The following RASGRF2 variants were observed in gnomAD, a reference collection of about 807,000 sequenced individuals.
RASGRF2 encodes the protein ras-specific guanine nucleotide-releasing factor 2.
RASGRF2 carries 76 observed loss-of-function variants against 151.0 expected under a neutral mutation model. The observed-to-expected ratio is 0.50, with a 90% CI of 0.42 to 0.61. The LOEUF is 0.61. Among genes scored for constraint, RASGRF2 ranks in the 20% least tolerant of loss-of-function variants. The pLI is 0.00. For missense variants in RASGRF2, 1,148 were observed against 1,564.6 expected, an observed-to-expected ratio of 0.73 and a Z score of 4.49; for synonymous variants, 504 against 566.5, an observed-to-expected ratio of 0.89 and a Z score of 1.57.
intron 3 of RASGRF2, among the ~76,000 whole-genome samples, chr5:81,069,143 T>A (rs994173994): frequency 9.2e-5 from 14 of 152,244 alleles, no homozygotes; most frequent in Middle Eastern, 3.2e-3. Context: ...TGCACCTTCC[T>A]CTGAGACATA....
rs1442808746 is a variant in RASGRF2 at position 81,081,383 on chromosome 5, AG to A, written c.1161+598del. Reference sequence around the variant, plus strand: ...TCTTGGCAACTAGTCAGGTGGCCGCAGGGGCTCCCTTTCTGGGACTAGAGCA... The same window carrying A: ...TCTTGGCAACTAGTCAGGTGGCCGCAGGGCTCCCTTTCTGGGACTAGAGCA... On this transcript the variant is annotated intron_variant, in intron 7 of 26. Coordinates refer to ENST00000265080, the MANE Select transcript of RASGRF2 (RefSeq NM_006909.3). 2.0e-5 allele frequency among the ~76,000 whole-genome samples: 3 copies of A among 152,230 alleles called. No homozygotes were observed. In the East Asian group the frequency reaches 5.8e-4, roughly 29 times the overall value.
Position 81,205,404 on chromosome 5 carries a change from G to A in RASGRF2, c.2907-1441G>A, listed in dbSNP as rs551265699. On this transcript the variant is annotated intron_variant, in intron 19 of 26. Coordinates refer to ENST00000265080, the MANE Select transcript of RASGRF2 (RefSeq NM_006909.3). ...GCTTTTGTTTCCTTATCTGTAAAAC[G>A]GAGATCACAATGCCTGCATTATCTG... Among the ~76,000 whole-genome samples the A allele has an allele frequency of 5.6e-4, 85 of 152,308 alleles. 1 individual carries two copies. The highest frequency in any genetic ancestry group is 3.4e-3 in the Middle Eastern group (1 of 294).
At chr5:81,066,122 T>TA (rs1213162991) in intron 2 of RASGRF2, among the ~76,000 whole-genome samples, 1 of 152,204 alleles carries the variant, frequency 6.6e-6, no homozygotes, top group Admixed American at 6.5e-5. Context: ...GCAGAATTTT[T>TA]ATAACAATTG....
chr5:80,983,419 G>A (rs1040097051), intron 1 of RASGRF2, among the ~76,000 whole-genome samples: 5 of 152,188 alleles, frequency 3.3e-5, no homozygotes, highest in African/African-American at 1.2e-4. Context: ...GAAACTGATG[G>A]CAGCAGCCCT....
intron 1 of RASGRF2, among the ~76,000 whole-genome samples, chr5:80,982,774 G>A (rs1027271508): frequency 6.6e-6 from 1 of 151,750 alleles, no homozygotes; most frequent in Non-Finnish European, 1.5e-5. Flanking sequence ...CTCATTTTTT[G>A]TATTTTTAGT....
intron 1 of RASGRF2, among the ~76,000 whole-genome samples, chr5:81,003,218 CTTTTTTTT>C (rs1271321430): frequency 2.0e-5 from 2 of 97,838 alleles, no homozygotes; most frequent in Non-Finnish European, 4.0e-5. Context: ...CCACACCTGG[CTTTTTTTT>C]TTTTTTTTTT....
chr5:80,983,162 G>A (rs1258912523), intron 1 of RASGRF2, among the ~76,000 whole-genome samples: 2 of 152,210 alleles, frequency 1.3e-5, no homozygotes, highest in African/African-American at 2.4e-5. Flanking sequence ...GAATGTCGAC[G>A]GACTGGCGTC....
At chr5:81,053,622 A>G (rs1751095674) in intron 2 of RASGRF2, among the ~76,000 whole-genome samples, 1 of 152,162 alleles carries the variant, frequency 6.6e-6, no homozygotes. Flanking sequence ...ATGATTTATA[A>G]TCCTTTGGAT....
At chr5:81,002,021 A>G (rs1465141411) in intron 1 of RASGRF2, among the ~76,000 whole-genome samples, 1 of 152,198 alleles carries the variant, frequency 6.6e-6, no homozygotes, top group Non-Finnish European at 1.5e-5. Context: ...TATGTGTGAT[A>G]ATTTGGTTAT....
chr5:81,047,104 T>C (rs2112404214), intron 2 of RASGRF2, among the ~76,000 whole-genome samples: 1 of 152,224 alleles, frequency 6.6e-6, no homozygotes, highest in African/African-American at 2.4e-5. Context: ...TGTCACTCTT[T>C]GGGAGAAGAA....
Position 81,113,632 on chromosome 5 carries a change from C to A in RASGRF2, c.2182C>A (p.Pro728Thr). 1 of 1,611,592 alleles carries A rather than the reference C, an allele frequency of 6.2e-7. No individual in the cohort carries two copies. Among genetic ancestry groups the A allele is most frequent in the South Asian group, 1.1e-5 (1 of 91,032 alleles). ...ACGTCTGTGTCGCAAATTCTCTTCC[C>A]CGCCACCACTGGCTGTGTCCAGAAC... ...SPRLCRKFSS[P>T]PPLAVSRTSS... The change falls in exon 15 of 27, where the codon CCG (proline) becomes ACG (threonine). Residue 728 changes from proline to threonine, a missense_variant. This residue lies in a region of RASGRF2 where 646 missense variants were observed against 807.4 expected (regional missense o/e 0.80). Transcript: ENST00000265080.
chr5:81,062,210 T>C (rs1249252756), intron 2 of RASGRF2, among the ~76,000 whole-genome samples: 4 of 152,134 alleles, frequency 2.6e-5, no homozygotes, highest in Admixed American at 2.6e-4. Flanking sequence ...TTTTGTGTAT[T>C]TCTTGACTTA....
chr5:81,035,780 G>C (rs919792743), intron 1 of RASGRF2, among the ~76,000 whole-genome samples: 1 of 152,118 alleles, frequency 6.6e-6, no homozygotes, highest in Non-Finnish European at 1.5e-5. Flanking sequence ...AAGGCATACA[G>C]ACAGTGGATT....
chr5:81,105,013 T>A (rs1199213762), intron 12 of RASGRF2, among the ~76,000 whole-genome samples: 1 of 152,124 alleles, frequency 6.6e-6, no homozygotes, highest in South Asian at 2.1e-4. Flanking sequence ...GGCAGATTGG[T>A]CTTGAGACCC....
chr5:81,095,534 A>G (rs757724248), intron 12 of RASGRF2, among the ~76,000 whole-genome samples: 11 of 152,212 alleles, frequency 7.2e-5, no homozygotes, highest in African/African-American at 2.2e-4. Flanking sequence ...GAATTGCTCC[A>G]TTTATTTAGG....
chr5:80,982,940 A>G (rs200269481), intron 1 of RASGRF2, among the ~76,000 whole-genome samples: 1 of 152,026 alleles, frequency 6.6e-6, no homozygotes, highest in East Asian at 1.9e-4. Context: ...ACTGTGGGGA[A>G]TTTTTCTTGA....
Position 81,103,302 on chromosome 5 carries a change from T to G in RASGRF2, c.1756-5694T>G, listed in dbSNP as rs552490808. Among the ~76,000 whole-genome samples the G allele has an allele frequency of 8.6e-4, 131 of 152,124 alleles. 4 individuals carry two copies. Among genetic ancestry groups the G allele is most frequent in the Admixed American group, 8.0e-3 (123 of 15,286 alleles). On this transcript the variant is annotated intron_variant, in intron 12 of 26. Coordinates refer to ENST00000265080, the MANE Select transcript of RASGRF2 (RefSeq NM_006909.3). ...TATATATAGGTATAGAATATAGGTA[T>G]AGCTATATTCTATATAGCTATAGAT... is the stretch of plus-strand genomic sequence containing the variant.
At chr5:81,118,135 C>T (rs1213148154) in intron 15 of RASGRF2, among the ~76,000 whole-genome samples, 1 of 152,270 alleles carries the variant, frequency 6.6e-6, no homozygotes, top group Middle Eastern at 3.2e-3. Flanking sequence ...GCCTCACTCT[C>T]ATGGCTCCAC....
At chr5:81,070,456 T>C (rs745336585) in intron 3 of RASGRF2, 36 bp from the exon 4 acceptor site, 1 of 1,518,184 alleles carries the variant, frequency 6.6e-7, no homozygotes, top group Non-Finnish European at 9.1e-7. Context: ...ATCCAGCATT[T>C]CCCAAATCAT....
Sources: gnomAD v4.1 joint callset for allele counts (sites outside exome capture counted in the v4.1 genomes callset) on GRCh38, gnomAD v4.1.1 for gene constraint, gnomAD v4.1.1 regional missense constraint, MANE v1.5 for transcripts, NCBI Gene and HGNC (gene_info 2026-07-23, HGNC 2026-07-21) for gene names.